INSL6: variants seen among roughly 807,000 people sequenced by gnomAD.
The protein encoded by INSL6 is insulin like 6, also known as insulin-like peptide INSL6.
Under a neutral mutation model 9.4 loss-of-function variants are expected in INSL6, and 16 were observed. That is an observed-to-expected ratio of 1.70 (90% CI 1.15 to 2.59). INSL6 has a LOEUF of 2.59. Among genes scored for constraint, INSL6 ranks in the 30% most tolerant of loss-of-function variants. The pLI is 0.00. For missense variants in INSL6, 391 were observed against 257.3 expected, an observed-to-expected ratio of 1.52 and a Z score of -3.56; for synonymous variants, 154 against 96.9, an observed-to-expected ratio of 1.59 and a Z score of -3.46.
At chr9:5,183,542 T>C (rs1362029980) in intron 1 of INSL6, among the ~76,000 whole-genome samples, 1 of 152,218 alleles carries the variant, frequency 6.6e-6, no homozygotes, top group Non-Finnish European at 1.5e-5. Flanking sequence ...TGAACATTTT[T>C]ATTAAGAAAA....
chr9:5,129,191 G>C (rs1362368983), intron 3 of INSL6, among the ~76,000 whole-genome samples: 2 of 152,178 alleles, frequency 1.3e-5, no homozygotes, highest in Admixed American at 6.5e-5. Flanking sequence ...AGCCAATCTT[G>C]ATGGTGGGTG....
chr9:5,004,878 G>C, the INSL6 span, among the ~76,000 whole-genome samples: 10 of 150,078 alleles, frequency 6.7e-5, no homozygotes, highest in East Asian at 1.6e-3. Flanking sequence ...TAGTGATGTT[G>C]AACGTTTTTT....
chr9:5,164,810 T>C (rs1298460550), intron 1 of INSL6, among the ~76,000 whole-genome samples: 3 of 152,250 alleles, frequency 2.0e-5, no homozygotes, highest in Non-Finnish European at 4.4e-5. Context: ...AGCATGTATC[T>C]TTTTATGGCT....
the INSL6 span, among the ~76,000 whole-genome samples, chr9:5,003,565 C>G: frequency 3.3e-5 from 5 of 151,954 alleles, no homozygotes; most frequent in Non-Finnish European, 7.4e-5. Context: ...ATATATTGGT[C>G]TTGCATCTTG....
chr9:5,060,638 C>T, the INSL6 span, among the ~76,000 whole-genome samples: 3 of 152,318 alleles, frequency 2.0e-5, no homozygotes, highest in African/African-American at 4.8e-5. Flanking sequence ...GCTATTTCTA[C>T]CACATCCTAG....
At chr9:5,062,688 A>G in the INSL6 span, among the ~76,000 whole-genome samples, 2 of 152,230 alleles carry the variant, frequency 1.3e-5, no homozygotes, top group African/African-American at 2.4e-5. Context: ...AGGTGTTTCC[A>G]ATGTATCTGT....
chr9:5,139,600 A>G (rs1824450532), intron 2 of INSL6, among the ~76,000 whole-genome samples: 1 of 152,208 alleles, frequency 6.6e-6, no homozygotes, highest in South Asian at 2.1e-4. Context: ...TATCTGCTAC[A>G]TGAAATATAA....
intron 1 of INSL6, among the ~76,000 whole-genome samples, chr9:5,182,537 A>G (rs76870942): frequency 0.08 from 12,099 of 152,046 alleles, 1,621 homozygotes; most frequent in African/African-American, 0.28. Flanking sequence ...TAACATCCCA[A>G]TCACCAAGAA....
At chr9:5,073,815 T>C in the INSL6 span, 6 of 1,353,766 alleles carry the variant, frequency 4.4e-6, no homozygotes, top group Non-Finnish European at 6.3e-6. Context: ...TTCTAATGCC[T>C]TTCTCAGAGC....
the INSL6 span, chr9:5,114,326 G>A: frequency 3.7e-6 from 2 of 539,142 alleles, no homozygotes; most frequent in Non-Finnish European, 7.3e-6. Context: ...GGAAGTCTGT[G>A]GCTCAGGTCA....
chr9:5,081,826 G>T, the INSL6 span: 1 of 1,613,626 alleles, frequency 6.2e-7, no homozygotes, highest in African/African-American at 1.3e-5. Flanking sequence ...ACAGTTTGAA[G>T]AGAGACATTT....
the INSL6 span, among the ~76,000 whole-genome samples, chr9:5,076,391 C>G: frequency 6.6e-6 from 1 of 152,140 alleles, no homozygotes; most frequent in Non-Finnish European, 1.5e-5. Context: ...CCACAGCTAC[C>G]TGAACTTTAA....
chr9:5,174,615 C>T (rs1349259450), intron 1 of INSL6, among the ~76,000 whole-genome samples: 1 of 152,186 alleles, frequency 6.6e-6, no homozygotes, highest in Non-Finnish European at 1.5e-5. Flanking sequence ...TCTATGTACA[C>T]TTACTCTTCT....
the INSL6 span, among the ~76,000 whole-genome samples, chr9:5,034,434 A>G: frequency 6.6e-6 from 1 of 152,114 alleles, no homozygotes; most frequent in Non-Finnish European, 1.5e-5. Flanking sequence ...TCAACAGAAT[A>G]TATATTTTCA....
chr9:4,999,798 A>G, the INSL6 span, among the ~76,000 whole-genome samples: 44 of 152,344 alleles, frequency 2.9e-4, 1 homozygote, highest in African/African-American at 1.0e-3. Context: ...AGTTGCCACA[A>G]TTTATCAGAC....
chr9:5,060,231 T>C, the INSL6 span, among the ~76,000 whole-genome samples: 2 of 152,342 alleles, frequency 1.3e-5, no homozygotes, highest in Middle Eastern at 3.4e-3. Context: ...TTGATGTTGA[T>C]GGCTGCTGAC....
chr9:4,998,506 T>C, the INSL6 span, among the ~76,000 whole-genome samples: 710 of 152,146 alleles, frequency 4.7e-3, 4 homozygotes, highest in African/African-American at 0.016. Flanking sequence ...CCGCCCGCCT[T>C]GGCCTCCCAA....
the INSL6 span, among the ~76,000 whole-genome samples, chr9:5,043,835 G>T: frequency 2.9e-4 from 44 of 152,224 alleles, no homozygotes; most frequent in Non-Finnish European, 5.3e-4. Context: ...CTGAGTGAAA[G>T]AAGGCAGACA....
chr9:5,144,736 T>C (rs1029652660), intron 2 of INSL6, among the ~76,000 whole-genome samples: 23 of 152,242 alleles, frequency 1.5e-4, no homozygotes, highest in Non-Finnish European at 2.5e-4. Context: ...AATACCCCTG[T>C]CTTTTTAAAT....
Sources: allele counts gnomAD v4.1 joint callset (sites outside exome capture counted in the v4.1 genomes callset), GRCh38; gene constraint gnomAD v4.1.1; transcripts MANE v1.5; gene names NCBI Gene and HGNC (gene_info 2026-07-23, HGNC 2026-07-21).